The following CDH18 variants were observed in gnomAD, a reference collection of about 807,000 sequenced individuals.
CDH18 encodes the protein cadherin 18, also known as cadherin-18.
A neutral mutation model predicts 67.9 loss-of-function variants in CDH18; 31 were observed. The observed-to-expected ratio is 0.46, with a 90% confidence interval of 0.34 to 0.62. The LOEUF (loss-of-function observed/expected upper bound fraction) is 0.62. CDH18 is among the 20% of genes least tolerant of loss of function. CDH18 has a pLI of 0.01. For synonymous variants in CDH18, 362 were observed against 347.2 expected (o/e 1.04, Z -0.48); for missense variants, 890 against 975.5 (o/e 0.91, Z 1.17).
At chr5:19,496,152 C>T (rs959115467) in intron 11 of CDH18, among the ~76,000 whole-genome samples, 6 of 152,166 alleles carry the variant, frequency 3.9e-5, no homozygotes, top group East Asian at 1.9e-4. Flanking sequence ...CTAAAGGCCA[C>T]TGTGAGTGCA....
At chr5:19,607,234 G>C (rs1357812789) in intron 6 of CDH18, among the ~76,000 whole-genome samples, 1 of 151,232 alleles carries the variant, frequency 6.6e-6, no homozygotes, top group East Asian at 1.9e-4. Flanking sequence ...AGAAATTCAA[G>C]GAGAAATAAA....
At chr5:20,165,297 C>T (rs1174290425) in intron 2 of CDH18, among the ~76,000 whole-genome samples, 1 of 151,880 alleles carries the variant, frequency 6.6e-6, no homozygotes, top group East Asian at 1.9e-4. Flanking sequence ...TAATTACAGG[C>T]ACTTATCTAA....
At chr5:20,161,126 A>G (rs1274353165) in intron 2 of CDH18, among the ~76,000 whole-genome samples, 2 of 152,182 alleles carry the variant, frequency 1.3e-5, no homozygotes, top group Admixed American at 6.5e-5. Context: ...AATTTTGCCT[A>G]CTGCTGGTTT....
intron 2 of CDH18, among the ~76,000 whole-genome samples, chr5:20,032,255 T>C (rs1304287947): frequency 6.6e-6 from 1 of 150,726 alleles, no homozygotes; most frequent in African/African-American, 2.4e-5. Flanking sequence ...ATATAATATA[T>C]ATATAAAACA....
chr5:19,725,761 C>T (rs1453365809), intron 4 of CDH18, among the ~76,000 whole-genome samples: 1 of 152,180 alleles, frequency 6.6e-6, no homozygotes, highest in Non-Finnish European at 1.5e-5. Flanking sequence ...AACAATGAAA[C>T]TCCGTCTCAA....
At chr5:19,687,111 G>A (rs1397478610) in intron 5 of CDH18, among the ~76,000 whole-genome samples, 2 of 152,178 alleles carry the variant, frequency 1.3e-5, no homozygotes, top group Admixed American at 1.3e-4. Context: ...TGGGAGCCTG[G>A]AAAGGCTCCC....
At chr5:20,072,024 T>A (rs1298350855) in intron 2 of CDH18, among the ~76,000 whole-genome samples, 1 of 152,082 alleles carries the variant, frequency 6.6e-6, no homozygotes, top group South Asian at 2.1e-4. Context: ...ACATTGGGAT[T>A]TTTAACAAAA....
At chr5:19,522,098 T>G (rs1746991436) in intron 9 of CDH18, among the ~76,000 whole-genome samples, 1 of 151,932 alleles carries the variant, frequency 6.6e-6, no homozygotes, top group Non-Finnish European at 1.5e-5. Context: ...ACGGAAGAGG[T>G]ACAGAAAAGA....
At chr5:20,335,884 T>C (rs1739679544) in intron 1 of CDH18, among the ~76,000 whole-genome samples, 1 of 152,206 alleles carries the variant, frequency 6.6e-6, no homozygotes, top group Non-Finnish European at 1.5e-5. Context: ...CTTTACATTA[T>C]GAAAGAATAT....
intron 1 of CDH18, among the ~76,000 whole-genome samples, chr5:20,492,806 T>C (rs953362200): frequency 6.6e-6 from 1 of 152,208 alleles, no homozygotes; most frequent in African/African-American, 2.4e-5. Context: ...TTCTTTCAGA[T>C]GTTTTGCAGA....
At position 20,519,942 on chromosome 5, in the gene CDH18, C is replaced by CTTTTTTTTTTTT. The variant is rs777265512; in HGVS notation, c.-580+55508_-580+55519dup. On this transcript the variant is annotated intron_variant, in intron 1 of 14. Coordinates refer to the CDH18 transcript ENST00000507958. ...AGGCTGGAGTACAACACAGTCTTGG[C>CTTTTTTTTTTTT]TTTTTTTTTTTTTTTTTTTTTTTTT... Among the ~76,000 whole-genome samples the CTTTTTTTTTTTT allele has an allele frequency of 1.9e-3, 81 of 41,684 alleles. 20 individuals are homozygous for CTTTTTTTTTTTT. The highest frequency in any genetic ancestry group is 2.3e-3 in the African/African-American group (26 of 11,260). 27.3% of individuals were successfully genotyped at this position (41,684 alleles called of 152,430 possible). A position where few individuals can be genotyped will look rare whatever the true frequency, so the allele number is the denominator to read the frequency against.
chr5:19,505,526 A>T (rs1743983214), intron 10 of CDH18, among the ~76,000 whole-genome samples: 1 of 152,092 alleles, frequency 6.6e-6, no homozygotes, highest in Non-Finnish European at 1.5e-5. Context: ...TTTTAGCATG[A>T]AGCATTGTTG....
intron 5 of CDH18, among the ~76,000 whole-genome samples, chr5:19,630,516 G>T (rs1196450613): frequency 6.6e-6 from 1 of 152,010 alleles, no homozygotes; most frequent in Non-Finnish European, 1.5e-5. Context: ...TTGCTGCTAA[G>T]AAGGCTTGTA....
In CDH18 at chr5:20,046,982, TACCCTAA is replaced by T. The variant is rs1315529560; in HGVS notation, c.-517-54975_-517-54969del. Among the ~76,000 whole-genome samples the T allele has an allele frequency of 8.6e-5, 13 of 152,002 alleles. No homozygotes were observed. In the East Asian group the frequency reaches 2.3e-3, roughly 27 times the overall value. ...AACTAACCTGCACGTTGTGCACATGTACCCTAAAACTTAAAGTATAATACAAAAAAAA... is the reference window on the plus strand; with the variant it reads ...AACTAACCTGCACGTTGTGCACATGTAACTTAAAGTATAATACAAAAAAAA... On this transcript the variant is annotated intron_variant, in intron 2 of 14. Transcript: ENST00000507958.
chr5:19,944,166 C>A (rs142997387), intron 2 of CDH18, among the ~76,000 whole-genome samples: 1 of 152,074 alleles, frequency 6.6e-6, no homozygotes, highest in African/African-American at 2.4e-5. Context: ...TTTCCCACTA[C>A]TCCTCTGGTT....
At chr5:19,551,196 C>A (rs1477434998) in intron 8 of CDH18, among the ~76,000 whole-genome samples, 1 of 151,986 alleles carries the variant, frequency 6.6e-6, no homozygotes, top group African/African-American at 2.4e-5. Flanking sequence ...GAGGGATGGG[C>A]CACTTACCAA....
chr5:20,381,085 G>C (rs1399008022), intron 1 of CDH18, among the ~76,000 whole-genome samples: 2 of 152,098 alleles, frequency 1.3e-5, no homozygotes, highest in African/African-American at 4.8e-5. Flanking sequence ...GAGAAACACA[G>C]GCCATGAGCA....
intron 1 of CDH18, among the ~76,000 whole-genome samples, chr5:20,481,616 A>G (rs1334189212): frequency 1.3e-5 from 2 of 152,156 alleles, no homozygotes; most frequent in African/African-American, 4.8e-5. Flanking sequence ...CTCTGGCCAC[A>G]ATGGAAATAA....
chr5:20,022,872 G>T (rs1173047811), intron 2 of CDH18, among the ~76,000 whole-genome samples: 2 of 152,078 alleles, frequency 1.3e-5, no homozygotes, highest in African/African-American at 4.8e-5. Flanking sequence ...TTGCACTCGG[G>T]TATACAAAAT....
Sources: gnomAD v4.1 joint callset for allele counts (sites outside exome capture counted in the v4.1 genomes callset) on GRCh38, gnomAD v4.1.1 for gene constraint, MANE v1.5 for transcripts, NCBI Gene and HGNC (gene_info 2026-07-23, HGNC 2026-07-21) for gene names.